The following SVEP1 variants were observed in gnomAD, a reference collection of about 807,000 sequenced individuals.
SVEP1 encodes the protein sushi, von Willebrand factor type A, EGF and pentraxin domain-containing protein 1.
SVEP1 carries 164 observed loss-of-function variants against 367.3 expected under a neutral mutation model. The observed-to-expected ratio is 0.45, with a 90% confidence interval of 0.39 to 0.51. The LOEUF (loss-of-function observed/expected upper bound fraction) is 0.51. Ranked by LOEUF, SVEP1 falls within the 20% of genes least tolerant of loss-of-function variation. SVEP1 has a pLI of 0.00. For synonymous variants in SVEP1, 1,666 were observed against 1,611.6 expected, an observed-to-expected ratio of 1.03 and a Z score of -0.81; for missense variants, 4,117 against 4,425.3, an observed-to-expected ratio of 0.93 and a Z score of 1.98.
chr9:110,566,437 C>T (rs11795219), intron 1 of SVEP1, among the ~76,000 whole-genome samples: 2 of 151,998 alleles, frequency 1.3e-5, no homozygotes, highest in Non-Finnish European at 2.9e-5. Context: ...AAAGTGCTTA[C>T]AGTGGTGCCT....
intron 17 of SVEP1, among the ~76,000 whole-genome samples, chr9:110,466,789 C>T (rs991073146): frequency 6.8e-6 from 1 of 146,568 alleles, no homozygotes; most frequent in Non-Finnish European, 1.5e-5. Context: ...GAACTGGCTG[C>T]TCTAAATAAG....
At chr9:110,452,355 C>T (rs1050280991) in intron 22 of SVEP1, among the ~76,000 whole-genome samples, 11 of 152,044 alleles carry the variant, frequency 7.2e-5, no homozygotes, top group Non-Finnish European at 1.5e-4. Flanking sequence ...TATGTGTCTG[C>T]CATTCTTGTC....
rs979424347 is a variant in SVEP1 at position 110,504,253 on chromosome 9, G to A, written c.1304-1036C>T. On this transcript the variant is annotated intron_variant, in intron 5 of 47. Coordinates refer to ENST00000374469, the MANE Select transcript of SVEP1 (RefSeq NM_153366.4). Reference sequence around the variant, plus strand: ...TTTTGAATTTTTTTATTAGAGATGGGGTTTAATTGTGTTAGCCAGGATGGT... The same window carrying A: ...TTTTGAATTTTTTTATTAGAGATGGAGTTTAATTGTGTTAGCCAGGATGGT... Among the ~76,000 whole-genome samples the A allele has an allele frequency of 5.9e-5, 9 of 151,654 alleles. No individual in the cohort carries two copies. The South Asian group carries it at 6.2e-4, about 11-fold the overall frequency.
chr9:110,443,565 G>A lies in SVEP1; in HGVS notation c.4619C>T (p.Ser1540Phe). 6.2e-7 allele frequency: 1 copy of A among 1,608,824 alleles called. No homozygotes were observed. The highest frequency in any genetic ancestry group is 8.5e-7 in the Non-Finnish European group (1 of 1,177,580). Residue 1540 changes from serine (S) to phenylalanine (F), a missense_variant, in exon 27 of 48, where the codon TCT (serine) becomes TTT (phenylalanine). Ser to Phe is a radical substitution (Grantham distance 155). This residue lies in a region of SVEP1 where 2,174 missense variants were observed against 2,494.3 expected (regional missense o/e 0.87). Transcript: ENST00000374469. ...GKLSDGGAGL[S>F]VGLPIPGGGA... ...CATACCAGGTATGGGCAAACCAACAGAGAGGCCAGCACCACCGTCAGATAA... is the reference window on the plus strand; with the variant it reads ...CATACCAGGTATGGGCAAACCAACAAAGAGGCCAGCACCACCGTCAGATAA...
intron 47 of SVEP1, among the ~76,000 whole-genome samples, chr9:110,367,703 C>CCAAT (rs1048909687): frequency 2.6e-5 from 4 of 152,008 alleles, no homozygotes; most frequent in African/African-American, 4.8e-5. Flanking sequence ...TCAATCTGGA[C>CCAAT]CAATCAGAGT....
intron 14 of SVEP1, among the ~76,000 whole-genome samples, chr9:110,473,981 T>C (rs1212250205): frequency 6.6e-6 from 1 of 152,180 alleles, no homozygotes; most frequent in African/African-American, 2.4e-5. Flanking sequence ...ATCTGACAGG[T>C]CAAAAATTGC....
intron 1 of SVEP1, among the ~76,000 whole-genome samples, chr9:110,569,246 C>T (rs535994381): frequency 1.2e-4 from 18 of 152,088 alleles, no homozygotes; most frequent in South Asian, 8.3e-4. Context: ...CACCTGAGGT[C>T]GGGAGTTTGA....
At chr9:110,577,743 G>GA (rs773196358) in intron 1 of SVEP1, among the ~76,000 whole-genome samples, 31 of 147,824 alleles carry the variant, frequency 2.1e-4, no homozygotes, top group African/African-American at 4.5e-4. Flanking sequence ...AAATCATTAA[G>GA]AAAAAAAAAC....
At chr9:110,445,445 A>G (rs920449493) in intron 26 of SVEP1, among the ~76,000 whole-genome samples, 2 of 152,204 alleles carry the variant, frequency 1.3e-5, no homozygotes, top group Non-Finnish European at 2.9e-5. Context: ...CTATTATATA[A>G]AAGAAAGAGC....
Position 110,483,640 on chromosome 9 carries a change from A to G in SVEP1, c.1984T>C (p.Ser662Pro). 1 of 1,612,636 alleles carries G rather than the reference A, an allele frequency of 6.2e-7. No individual in the cohort carries two copies. Among genetic ancestry groups the G allele is most frequent in the South Asian group, 1.1e-5 (1 of 90,828 alleles). Residue 662 changes from serine (S) to proline (P), a missense_variant, in exon 10 of 48, where the codon TCG becomes CCG. By Grantham distance (74) the Ser-to-Pro change is moderately conservative (BLOSUM62 -1). Around this residue, in one of 4 missense-constraint regions of SVEP1, gnomAD observed 2,174 missense variants for 2,494.3 expected, o/e 0.87. Transcript: ENST00000374469. The part of the protein sequence containing the change: ...WCRSPPPVQV[S>P]EKVHAASWDE... ...CAGCTTGCGGCATGTACCTTCTCCG[A>G]GACCTGGACGGGAGGTGGAGATCTG...
In SVEP1 at chr9:110,427,641, C is replaced by G; in HGVS notation, c.5925G>C (p.Thr1975=). The G allele has an allele frequency of 1.9e-6, 3 of 1,613,812 alleles. No individual in the cohort carries two copies. The highest frequency in any genetic ancestry group is 2.5e-6 in the Non-Finnish European group (3 of 1,179,844). Residue 1975 remains threonine (T), a synonymous_variant, in exon 36 of 48, where the codon ACG becomes ACC. Transcript: ENST00000374469. ...EPPAIKDAVI[T]GNNFTFRNTV... Reference sequence around the variant, plus strand: ...TGTTCCTGAAAGTGAAGTTATTCCCCGTAATGACAGCATCTTTGATGGCAG... The same window carrying G: ...TGTTCCTGAAAGTGAAGTTATTCCCGGTAATGACAGCATCTTTGATGGCAG...
Position 110,387,397 on chromosome 9 carries a change from C to T in SVEP1, c.9948G>A (p.Thr3316=), listed in dbSNP as rs775162445. 5.6e-6 allele frequency: 9 copies of T among 1,613,248 alleles called. No individual in the cohort carries two copies. The highest frequency in any genetic ancestry group is 3.3e-4 in the Middle Eastern group (2 of 6,080). ...LNGKADIENR[T]TGPNVVYSCN... The stretch of plus-strand genomic sequence containing the variant: ...AGGAATATACCACGTTGGGTCCAGT[C>T]GTCCTGTTTTCAATGTCAGCTTTCC... Residue 3316 remains threonine, a synonymous_variant, in exon 42 of 48, where the codon ACG becomes ACA. Transcript: ENST00000374469.
chr9:110,483,190 A>C (rs1232757741), intron 10 of SVEP1, among the ~76,000 whole-genome samples: 1 of 152,168 alleles, frequency 6.6e-6, no homozygotes, highest in Non-Finnish European at 1.5e-5. Context: ...CTACTTTCTT[A>C]TGACCTTTTA....
At position 110,408,576 on chromosome 9, in the gene SVEP1, C is replaced by A. The variant is rs762297070; in HGVS notation, c.7024G>T (p.Val2342Leu). 3 of 1,613,932 alleles carry A rather than the reference C, an allele frequency of 1.9e-6. No individual in the cohort carries two copies. The highest frequency in any genetic ancestry group is 2.5e-6 in the Non-Finnish European group (3 of 1,179,892). ...QLVLKELTTE[V>L]GVVTFSCKEG... ...TTACAGGAAAATGTCACAACTCCTA[C>A]CTCGGTGGTCAACTCCTTTAATACT... Residue 2342 changes from valine (V) to leucine (L), a missense_variant, in exon 38 of 48, where the codon GTA becomes TTA. Val to Leu is a conservative substitution (Grantham distance 32). Transcript: ENST00000374469.
chr9:110,370,670 T>C (rs1827261709), intron 46 of SVEP1, among the ~76,000 whole-genome samples: 1 of 152,206 alleles, frequency 6.6e-6, no homozygotes, highest in African/African-American at 2.4e-5. Flanking sequence ...CTAGGTGTTT[T>C]TCTCACAAAT....
chr9:110,450,158 G>GCACAA lies in SVEP1; in HGVS notation c.4003_4004insTTGTG (p.Pro1335LeufsTer50). Reference sequence around the variant, plus strand: ...TCCACATCGGGTACCCAAAAATCCAGGTGGGCATTTGCACAAGAATCCCCC... The same window carrying GCACAA: ...TCCACATCGGGTACCCAAAAATCCAGCACAAGTGGGCATTTGCACAAGAATCCCCC... On this transcript the variant is annotated frameshift_variant, in exon 24 of 48. Coordinates refer to ENST00000374469, the MANE Select transcript of SVEP1 (RefSeq NM_153366.4). LOFTEE classifies it high-confidence loss of function. 3 of 1,613,880 alleles carry GCACAA rather than the reference G, an allele frequency of 1.9e-6. No individual in the cohort carries two copies. Among genetic ancestry groups the GCACAA allele is most frequent in the Non-Finnish European group, 2.5e-6 (3 of 1,179,836 alleles).
intron 3 of SVEP1, among the ~76,000 whole-genome samples, chr9:110,528,634 C>T (rs559851711): frequency 4.9e-4 from 74 of 151,708 alleles, no homozygotes; most frequent in Non-Finnish European, 9.0e-4. Context: ...TGATTGTCTA[C>T]TTTTTAATGA....
chr9:110,390,350 C>G (rs1564127599), intron 40 of SVEP1, among the ~76,000 whole-genome samples: 2 of 25,250 alleles, frequency 7.9e-5, no homozygotes, highest in African/African-American at 4.5e-4. Context: ...CTTATATACA[C>G]TTATATATAT....
chr9:110,564,300 A>C (rs577799812), intron 1 of SVEP1, among the ~76,000 whole-genome samples: 1 of 152,226 alleles, frequency 6.6e-6, no homozygotes, highest in African/African-American at 2.4e-5. Context: ...TTATGATTCA[A>C]AGCTGTTAGA....
Sources: gnomAD v4.1 joint callset for allele counts (sites outside exome capture counted in the v4.1 genomes callset) on GRCh38, gnomAD v4.1.1 for gene constraint, gnomAD v4.1.1 regional missense constraint, MANE v1.5 for transcripts, NCBI Gene and HGNC (gene_info 2026-07-23, HGNC 2026-07-21) for gene names.